Variants in NTRK2 observed in about 807,000 individuals in gnomAD.
NTRK2 encodes the protein neurotrophic receptor tyrosine kinase 2.
Under a neutral mutation model 94.5 loss-of-function variants are expected in NTRK2, and 13 were observed. The ratio of observed to expected loss-of-function variants is 0.14; its 90% CI spans 0.09 to 0.22. The LOEUF (loss-of-function observed/expected upper bound fraction) is 0.22. Among genes scored for constraint, NTRK2 ranks in the 10% least tolerant of loss-of-function variants. NTRK2 has a pLI of 1.00. For synonymous variants in NTRK2, 372 were observed against 407.4 expected (o/e 0.91, Z 1.05); for missense variants, 639 against 1,071.2 (o/e 0.60, Z 5.63).
intron 17 of NTRK2, among the ~76,000 whole-genome samples, chr9:84,989,337 T>G (rs1188284451): frequency 6.6e-6 from 1 of 152,240 alleles, no homozygotes; most frequent in Non-Finnish European, 1.5e-5. Flanking sequence ...CTTCATTTAT[T>G]CTTCCATATA....
At chr9:85,020,454 T>C (rs975896633) in intron 18 of NTRK2, 90 bp downstream of exon 18, 4 of 1,357,148 alleles carry the variant, frequency 2.9e-6, no homozygotes, top group Admixed American at 3.4e-5. Context: ...TGGAAGACCA[T>C]GTCAGGACAC....
intron 9 of NTRK2, among the ~76,000 whole-genome samples, chr9:84,737,221 A>G (rs2063323408): frequency 6.6e-6 from 1 of 152,164 alleles, no homozygotes; most frequent in African/African-American, 2.4e-5. Context: ...TTGTTAGCAG[A>G]ATGGAAAATG....
At position 85,021,407 on chromosome 9, in the gene NTRK2, A is replaced by G. The variant is rs2118018644; in HGVS notation, c.2487A>G (p.Ala829=). 1 of 1,614,178 alleles carries G rather than the reference A, an allele frequency of 6.2e-7. No homozygotes were observed. Among genetic ancestry groups the G allele is most frequent in the Non-Finnish European group, 8.5e-7 (1 of 1,180,026 alleles). ...CCCTCCTTCAGAACTTGGCCAAGGC[A>G]TCTCCGGTCTACCTGGACATTCTAG... ...IHTLLQNLAK[A]SPVYLDILG The change falls in exon 19 of 19, where the codon GCA becomes GCG. Residue 829 remains alanine, a synonymous_variant. Coordinates refer to ENST00000277120, the MANE Select transcript of NTRK2 (RefSeq NM_006180.6).
intron 15 of NTRK2, among the ~76,000 whole-genome samples, chr9:84,941,782 G>A (rs763074573): frequency 2.6e-5 from 4 of 152,150 alleles, no homozygotes; most frequent in Non-Finnish European, 4.4e-5. Context: ...CAGTTGCTAC[G>A]AATTAGTTTC....
intron 14 of NTRK2, among the ~76,000 whole-genome samples, chr9:84,902,850 G>C (rs1411453110): frequency 3.3e-5 from 5 of 152,162 alleles, no homozygotes; most frequent in Non-Finnish European, 1.5e-5. Flanking sequence ...CTCAAACTGA[G>C]CCTTAGTTAT....
chr9:84,795,826 C>A (rs2069250497), intron 12 of NTRK2, among the ~76,000 whole-genome samples: 1 of 152,198 alleles, frequency 6.6e-6, no homozygotes, highest in African/African-American at 2.4e-5. Context: ...TGCCATGGCC[C>A]TTTAAGGGAG....
intron 7 of NTRK2, 131 bp downstream of exon 7, chr9:84,723,840 A>ATGTACATTCAAAAAG: frequency 7.9e-7 from 1 of 1,270,968 alleles, no homozygotes; most frequent in Non-Finnish European, 1.1e-6. Flanking sequence ...AGAGTTTTTG[A>ATGTACATTCAAAAAG]TGTACATTCA....
intron 6 of NTRK2, among the ~76,000 whole-genome samples, chr9:84,712,878 C>T (rs181782532): frequency 7.2e-5 from 11 of 152,274 alleles, no homozygotes; most frequent in Admixed American, 1.3e-4. Context: ...TCCATATTGA[C>T]GAGCATTTTG....
At chr9:85,010,286 CACAG>C (rs1416081930) in intron 17 of NTRK2, among the ~76,000 whole-genome samples, 1 of 152,200 alleles carries the variant, frequency 6.6e-6, no homozygotes, top group Non-Finnish European at 1.5e-5. Context: ...ATCATCATAA[CACAG>C]ACAATGACAC....
At chr9:84,802,324 T>G (rs1471108172) in intron 12 of NTRK2, among the ~76,000 whole-genome samples, 3 of 152,222 alleles carry the variant, frequency 2.0e-5, no homozygotes, top group Non-Finnish European at 4.4e-5. Context: ...TAGAAATTTA[T>G]GCCCTTTACA....
At chr9:85,020,476 CT>C in intron 18 of NTRK2, 112 bp downstream of exon 18, 1 of 1,117,750 alleles carries the variant, frequency 8.9e-7, no homozygotes, top group Non-Finnish European at 1.4e-6. Context: ...ATCTTATGGG[CT>C]TTGTTGGTGG....
rs1033584315 is a variant in NTRK2 at position 85,025,802 on chromosome 9, G to A, written c.*4365G>A. The A allele has an allele frequency of 2.1e-5, 5 of 232,638 alleles. No homozygotes were observed. The highest frequency in any genetic ancestry group is 1.1e-4 in the African/African-American group (5 of 45,388). The allele number at this position is 232,638 out of a possible 1,614,324, so 14.4% of individuals were successfully genotyped here. ...TGGCTAGTGACCCAACTCTCCAAAT[G>A]TCTAAGTTAGTAGTTACAGCTGATT... On this transcript the variant is annotated 3_prime_UTR_variant, in exon 19 of 19. Coordinates refer to ENST00000277120, the MANE Select transcript of NTRK2 (RefSeq NM_006180.6).
intron 12 of NTRK2, among the ~76,000 whole-genome samples, chr9:84,842,669 C>T (rs2074252179): frequency 6.6e-6 from 1 of 152,182 alleles, no homozygotes; most frequent in Non-Finnish European, 1.5e-5. Context: ...TGGGGCTTCC[C>T]TCCGTATGAC....
rs1042946522 is a variant in NTRK2 at position 84,853,382 on chromosome 9, C to T, written c.1397-7658C>T. On this transcript the variant is annotated intron_variant, in intron 12 of 18. Coordinates refer to ENST00000277120, the MANE Select transcript of NTRK2 (RefSeq NM_006180.6). ...CACATCTTCTGACATTCTAGTCCAG[C>T]TCTTTATTCCACACTACTGCCTGGA... is the stretch of plus-strand genomic sequence containing the variant. Among the ~76,000 whole-genome samples the T allele has an allele frequency of 2.6e-5, 4 of 152,210 alleles. No homozygotes were observed. The East Asian group carries it at 5.8e-4, about 22-fold the overall frequency.
chr9:84,933,621 A>G (rs2078114319), intron 14 of NTRK2, among the ~76,000 whole-genome samples: 1 of 152,220 alleles, frequency 6.6e-6, no homozygotes, highest in Non-Finnish European at 1.5e-5. Flanking sequence ...AGGCCCAACC[A>G]TGTTTTAGCC....
At chr9:84,919,145 G>A (rs991816668) in intron 14 of NTRK2, among the ~76,000 whole-genome samples, 2 of 152,080 alleles carry the variant, frequency 1.3e-5, no homozygotes. Context: ...CTTGCTATTT[G>A]CCTTTTTTTA....
intron 12 of NTRK2, chr9:84,813,811 G>C: frequency 9.4e-7 from 1 of 1,065,896 alleles, no homozygotes; most frequent in Non-Finnish European, 1.1e-6. Flanking sequence ...GCCAGGTTTA[G>C]ATAGGAAAGT....
intron 12 of NTRK2, among the ~76,000 whole-genome samples, chr9:84,783,183 T>A (rs1428226466): frequency 6.6e-6 from 1 of 152,208 alleles, no homozygotes; most frequent in Non-Finnish European, 1.5e-5. Context: ...AGAAGAACTG[T>A]GAAGGGTGAC....
chr9:84,992,853 C>G (rs1471785657), intron 17 of NTRK2, among the ~76,000 whole-genome samples: 1 of 151,648 alleles, frequency 6.6e-6, no homozygotes, highest in African/African-American at 2.4e-5. Flanking sequence ...CCTCTGTGGA[C>G]TCTCCTGGCA....
Sources: gnomAD v4.1 joint callset for allele counts (sites outside exome capture counted in the v4.1 genomes callset) on GRCh38, gnomAD v4.1.1 for gene constraint, MANE v1.5 for transcripts, NCBI Gene and HGNC (gene_info 2026-07-23, HGNC 2026-07-21) for gene names.